RELCH: variants seen among roughly 807,000 people sequenced by gnomAD.
RELCH encodes the protein RAB11 binding and LisH domain, coiled-coil and HEAT repeat containing.
Under a neutral mutation model 150.3 loss-of-function variants are expected in RELCH, and 41 were observed. The observed-to-expected ratio is 0.27, with a 90% CI of 0.21 to 0.35. The LOEUF is 0.35. Ranked by LOEUF, RELCH falls within the 10% of genes least tolerant of loss-of-function variation. RELCH has a pLI of 1.00. For missense variants in RELCH, 1,092 were observed against 1,467.8 expected, an observed-to-expected ratio of 0.74 and a Z score of 4.18; for synonymous variants, 478 against 531.8, an observed-to-expected ratio of 0.90 and a Z score of 1.39.
intron 21 of RELCH, 21 bp from the exon 22 acceptor site, chr18:62,275,353 G>GTTTTTTTTT: frequency 9.1e-7 from 1 of 1,093,650 alleles, no homozygotes; most frequent in Non-Finnish European, 1.3e-6. Context: ...TTTTAACACT[G>GTTTTTTTTT]TTTTTTTTTT....
intron 28 of RELCH, 49 bp downstream of exon 28, chr18:62,298,909 C>A (rs1012801628): frequency 9.5e-7 from 1 of 1,047,914 alleles, no homozygotes; most frequent in Non-Finnish European, 1.4e-6. Flanking sequence ...TTTAATTTTT[C>A]TATCTAAATT....
At chr18:62,221,579 T>G in intron 5 of RELCH, 82 bp downstream of exon 5, 1 of 611,600 alleles carries the variant, frequency 1.6e-6, no homozygotes, top group Admixed American at 3.6e-5. Context: ...CTTTTTTTTT[T>G]TTTTTAAGTT....
chr18:62,226,065 G>A (rs937099174), intron 5 of RELCH, among the ~76,000 whole-genome samples: 2 of 151,826 alleles, frequency 1.3e-5, no homozygotes, highest in Non-Finnish European at 2.9e-5. Flanking sequence ...CTCAATAATA[G>A]CTATCTCATC....
intron 2 of RELCH, among the ~76,000 whole-genome samples, chr18:62,213,938 A>G (rs981846275): frequency 1.3e-5 from 2 of 151,968 alleles, no homozygotes; most frequent in Non-Finnish European, 2.9e-5. Context: ...TTGAGAGACA[A>G]TGAGCAAAGG....
At chr18:62,221,686 T>G (rs1464224885) in intron 5 of RELCH, among the ~76,000 whole-genome samples, 189 bp downstream of exon 5, 1 of 151,792 alleles carries the variant, frequency 6.6e-6, no homozygotes, top group African/African-American at 2.4e-5. Context: ...CTTTCCCTGT[T>G]GCTTTCTACA....
chr18:62,214,822 G>T (rs1311862091), intron 2 of RELCH, among the ~76,000 whole-genome samples: 1 of 152,128 alleles, frequency 6.6e-6, no homozygotes, highest in Non-Finnish European at 1.5e-5. Flanking sequence ...AGGGAGCAGA[G>T]TTTTGAGGGG....
At chr18:62,263,264 C>T (rs1367668779) in intron 16 of RELCH, among the ~76,000 whole-genome samples, 1 of 151,996 alleles carries the variant, frequency 6.6e-6, no homozygotes, top group African/African-American at 2.4e-5. Context: ...ACAAATGATT[C>T]TTAAATGTCA....
chr18:62,309,901 T>C lies in RELCH; in HGVS notation c.*4367T>C, dbSNP rs1313641488. 6.6e-6 allele frequency: 1 copy of C among 152,196 alleles called. No individual in the cohort carries two copies. Among genetic ancestry groups the C allele is most frequent in the Admixed American group, 6.5e-5 (1 of 15,272 alleles). 9.4% of individuals were successfully genotyped at this position (152,196 alleles called of 1,614,324 possible). On this transcript the variant is annotated 3_prime_UTR_variant, in exon 29 of 29. Coordinates refer to ENST00000644646, the MANE Select transcript of RELCH (RefSeq NM_001346231.2). ...TTAAATTCTTGGTCAGTGATCTTTT[T>C]AGGGTGTCATTTGTTGATAGTAATC...
At chr18:62,241,716 T>G (rs1233814591) in intron 10 of RELCH, among the ~76,000 whole-genome samples, 1 of 152,130 alleles carries the variant, frequency 6.6e-6, no homozygotes, top group East Asian at 1.9e-4. Context: ...ACTTTTTCAG[T>G]GTGAGAGATG....
intron 2 of RELCH, among the ~76,000 whole-genome samples, chr18:62,211,774 T>A (rs972958764): frequency 9.5e-5 from 14 of 147,694 alleles, no homozygotes; most frequent in South Asian, 4.2e-4. Context: ...TAAAAAAAAA[T>A]AAATAAGCAA....
chr18:62,187,705 C>T lies in RELCH; in HGVS notation c.200C>T (p.Ala67Val), dbSNP rs773634162. Residue 67 changes from alanine (A) to valine (V), a missense_variant, in exon 1 of 29, where the codon GCG becomes GTG. This residue lies in a region of RELCH where 138 missense variants were observed against 124.8 expected (regional missense o/e 1.11). Coordinates refer to ENST00000644646, the MANE Select transcript of RELCH (RefSeq NM_001346231.2). ...PQDPVALGSS[A>V]RPGLPGEASA... Reference sequence around the variant, plus strand: ...GATCCCGTGGCCTTAGGAAGCAGTGCGCGGCCAGGGCTCCCTGGGGAGGCG... The same window carrying T: ...GATCCCGTGGCCTTAGGAAGCAGTGTGCGGCCAGGGCTCCCTGGGGAGGCG... The T allele has an allele frequency of 2.5e-6, 4 of 1,597,214 alleles. No individual in the cohort carries two copies. The highest frequency in any genetic ancestry group is 1.1e-5 in the South Asian group (1 of 89,586).
At chr18:62,268,434 G>C (rs1230720430) in intron 19 of RELCH, 1 of 153,334 alleles carries the variant, frequency 6.5e-6, no homozygotes, top group East Asian at 1.9e-4. Context: ...AGGAACTCAG[G>C]CTAGTACTGA....
chr18:62,276,773 C>T (rs1302271243), intron 22 of RELCH, among the ~76,000 whole-genome samples: 4 of 151,980 alleles, frequency 2.6e-5, no homozygotes, highest in African/African-American at 9.7e-5. Context: ...CATGTTATTC[C>T]CTCAGTTATC....
chr18:62,281,158 A>C (rs1506326), intron 24 of RELCH, among the ~76,000 whole-genome samples: 25,987 of 152,226 alleles, frequency 0.17, 2,787 homozygotes, highest in Middle Eastern at 0.28. Context: ...GTTCTATTGT[A>C]AGCTGAGCTG....
At chr18:62,287,277 T>A in intron 25 of RELCH, 74 bp from the exon 26 acceptor site, 3 of 734,168 alleles carry the variant, frequency 4.1e-6, no homozygotes, top group Non-Finnish European at 7.3e-6. Context: ...AAGTGATAAA[T>A]TATTGTTAAA....
chr18:62,283,344 A>C (rs1292853188), intron 25 of RELCH, among the ~76,000 whole-genome samples: 3 of 152,192 alleles, frequency 2.0e-5, no homozygotes, highest in Non-Finnish European at 4.4e-5. Context: ...TTCTTTGGAT[A>C]GCATCAAAGC....
chr18:62,287,459 C>G lies in RELCH; in HGVS notation c.3362C>G (p.Ser1121Cys), dbSNP rs1169929627. Residue 1121 changes from serine (S) to cysteine (C), a missense_variant, in exon 26 of 29, where the codon TCC (serine) becomes TGC (cysteine). Coordinates refer to ENST00000644646, the MANE Select transcript of RELCH (RefSeq NM_001346231.2). ...THLFEAYSAL[S>C]CCFISEDLMV... ...CTTTTTGAAGCCTACAGTGCACTTTCCTGTTGTTGTATCCTTGTTTTATTA... is the reference window on the plus strand; with the variant it reads ...CTTTTTGAAGCCTACAGTGCACTTTGCTGTTGTTGTATCCTTGTTTTATTA... The G allele has an allele frequency of 1.3e-6, 2 of 1,526,502 alleles. No individual in the cohort carries two copies. The highest frequency in any genetic ancestry group is 1.8e-6 in the Non-Finnish European group (2 of 1,102,918). The allele number at this position is 1,526,502 out of a possible 1,614,324, so 94.6% of individuals were successfully genotyped here.
chr18:62,216,907 AT>A (rs1162241263), intron 2 of RELCH, among the ~76,000 whole-genome samples: 2 of 152,068 alleles, frequency 1.3e-5, no homozygotes, highest in African/African-American at 4.8e-5. Flanking sequence ...TTAGCAGTAC[AT>A]TTTGATTTTC....
At position 62,282,034 on chromosome 18, in the gene RELCH, C is replaced by T. The variant is rs534124261; in HGVS notation, c.3115-272C>T. The stretch of plus-strand genomic sequence containing the variant: ...AAAGTTACCTACTTTTCCCTAAATA[C>T]GGTGGGATTTTTTTTCTTTTGTTGT... On this transcript the variant is annotated intron_variant, in intron 24 of 28. Transcript: ENST00000644646. Among the ~76,000 whole-genome samples the T allele has an allele frequency of 5.7e-4, 86 of 152,162 alleles. No individual in the cohort carries two copies. The Middle Eastern group carries it at 0.014, about 24-fold the overall frequency.
Sources: gnomAD v4.1 joint callset for allele counts (sites outside exome capture counted in the v4.1 genomes callset) on GRCh38, gnomAD v4.1.1 for gene constraint, gnomAD v4.1.1 regional missense constraint, MANE v1.5 for transcripts, NCBI Gene and HGNC (gene_info 2026-07-23, HGNC 2026-07-21) for gene names.